Variants in COL23A1 observed in about 807,000 individuals in gnomAD.
COL23A1 encodes the protein collagen alpha-1(XXIII) chain.
A neutral mutation model predicts 99.3 loss-of-function variants in COL23A1; 97 were observed. That is an observed-to-expected ratio of 0.98 (90% confidence interval 0.83 to 1.16). The LOEUF is 1.16. Ranked by LOEUF, COL23A1 falls within the 50% of genes most tolerant of loss-of-function variation. The pLI is 0.00. For synonymous variants in COL23A1, 320 were observed against 308.2 expected, an observed-to-expected ratio of 1.04 and a Z score of -0.40; for missense variants, 762 against 757.4, an observed-to-expected ratio of 1.01 and a Z score of -0.07.
At chr5:178,381,844 C>T (rs1208034681) in intron 2 of COL23A1, among the ~76,000 whole-genome samples, 2 of 152,154 alleles carry the variant, frequency 1.3e-5, no homozygotes, top group Admixed American at 1.3e-4. Context: ...CTCTATTGCC[C>T]TCACTGTTCT....
chr5:178,437,952 G>A (rs1434848599), intron 2 of COL23A1, among the ~76,000 whole-genome samples: 2 of 152,230 alleles, frequency 1.3e-5, no homozygotes, highest in Admixed American at 1.3e-4. Context: ...TGGGCTCAGA[G>A]GCCCCTGACC....
chr5:178,240,342 G>A (rs955560373), intron 27 of COL23A1, among the ~76,000 whole-genome samples: 1 of 151,914 alleles, frequency 6.6e-6, no homozygotes, highest in African/African-American at 2.4e-5. Flanking sequence ...AGGTGGGGAG[G>A]GGGGCAGAAT....
At chr5:178,480,958 C>T (rs1224928115) in intron 2 of COL23A1, among the ~76,000 whole-genome samples, 2 of 151,686 alleles carry the variant, frequency 1.3e-5, no homozygotes, top group Non-Finnish European at 2.9e-5. Flanking sequence ...CCAGCCTGGC[C>T]AATGTGGTGA....
At chr5:178,321,656 A>AT (rs764670881) in intron 2 of COL23A1, among the ~76,000 whole-genome samples, 13 of 140,020 alleles carry the variant, frequency 9.3e-5, no homozygotes, top group Non-Finnish European at 1.4e-4. Context: ...TGCCTGGCTA[A>AT]TTTTTTGTAT....
intron 2 of COL23A1, among the ~76,000 whole-genome samples, chr5:178,411,161 G>A (rs533689530): frequency 2.0e-5 from 3 of 152,300 alleles, no homozygotes; most frequent in African/African-American, 7.2e-5. Context: ...AAGTGTTGAT[G>A]AGGATGTGGA....
chr5:178,540,682 G>C (rs1356200777), intron 2 of COL23A1, among the ~76,000 whole-genome samples: 3 of 152,200 alleles, frequency 2.0e-5, no homozygotes, highest in African/African-American at 7.2e-5. Flanking sequence ...AGCACTTTGG[G>C]AGGCTGACGT....
Position 178,560,769 on chromosome 5 carries a change from G to GA in COL23A1, c.295-22dup, listed in dbSNP as rs748314939. The GA allele has an allele frequency of 8.1e-5, 126 of 1,556,288 alleles. 1 individual carries two copies. The highest frequency in any genetic ancestry group is 1.1e-4 in the East Asian group (5 of 43,896). On this transcript the variant is annotated intron_variant, in intron 1 of 28. Coordinates refer to ENST00000390654, the MANE Select transcript of COL23A1 (RefSeq NM_173465.4). ...AACTTCTGAGCCGGAAAAAAAAAAA[G>GA]AAAAAAAACGAGGAGAGAATGAGTT...
chr5:178,535,201 G>A (rs368280838), intron 2 of COL23A1, among the ~76,000 whole-genome samples: 2 of 151,836 alleles, frequency 1.3e-5, no homozygotes, highest in Non-Finnish European at 2.9e-5. Context: ...CTCAAACTCC[G>A]GACCTCAAGT....
At chr5:178,518,656 TG>T (rs1404756257) in intron 2 of COL23A1, among the ~76,000 whole-genome samples, 2 of 110,352 alleles carry the variant, frequency 1.8e-5, no homozygotes, top group Non-Finnish European at 3.7e-5. Context: ...ACTTCCTAGA[TG>T]GGATGGCGGC....
chr5:178,252,643 C>A lies in COL23A1; in HGVS notation c.961-46G>T, dbSNP rs575087985. 3.9e-6 allele frequency: 6 copies of A among 1,534,526 alleles called. No individual in the cohort carries two copies. The East Asian group carries it at 1.4e-4, about 36-fold the overall frequency. On this transcript the variant is annotated intron_variant, in intron 16 of 28. Transcript: ENST00000390654. ...GGTCAGTGTCATGGGTTAGGCAGGGCCTCCCTTCGCTACCCATCCAGCTCC... is the reference window on the plus strand; with the variant it reads ...GGTCAGTGTCATGGGTTAGGCAGGGACTCCCTTCGCTACCCATCCAGCTCC...
At chr5:178,312,484 G>A (rs543991069) in intron 2 of COL23A1, among the ~76,000 whole-genome samples, 12 of 152,230 alleles carry the variant, frequency 7.9e-5, no homozygotes, top group East Asian at 5.8e-4. Context: ...AACTCACGCC[G>A]CTGATCAACT....
At chr5:178,460,740 G>A (rs1369487500) in intron 2 of COL23A1, among the ~76,000 whole-genome samples, 1 of 152,072 alleles carries the variant, frequency 6.6e-6, no homozygotes, top group East Asian at 1.9e-4. Context: ...CTGTTCCCCT[G>A]GCATGCATGG....
At chr5:178,247,584 G>A (rs1291864345) in intron 21 of COL23A1, 32 bp from the exon 22 acceptor site, 1 of 1,613,578 alleles carries the variant, frequency 6.2e-7, no homozygotes, top group Non-Finnish European at 8.5e-7. Context: ...AAGAAGGCTG[G>A]CTCCGGACCC....
chr5:178,312,913 C>T (rs774588647), intron 2 of COL23A1, among the ~76,000 whole-genome samples: 6 of 152,190 alleles, frequency 3.9e-5, no homozygotes, highest in Non-Finnish European at 5.9e-5. Flanking sequence ...AGAATTACTA[C>T]CAGGCGCAAC....
chr5:178,426,286 C>T (rs1390124484), intron 2 of COL23A1, among the ~76,000 whole-genome samples: 1 of 152,228 alleles, frequency 6.6e-6, no homozygotes, highest in South Asian at 2.1e-4. Flanking sequence ...TAGTCTACAG[C>T]CTTGTGCAAA....
At chr5:178,341,423 G>A (rs542996135) in intron 2 of COL23A1, among the ~76,000 whole-genome samples, 2 of 152,288 alleles carry the variant, frequency 1.3e-5, no homozygotes, top group African/African-American at 4.8e-5. Flanking sequence ...CCGGACCCCT[G>A]CTCCAATCGG....
At position 178,415,843 on chromosome 5, in the gene COL23A1, G is replaced by C. The variant is rs1052425756; in HGVS notation, c.362-108924C>G. Among the ~76,000 whole-genome samples, 1 of 152,202 alleles carries C rather than the reference G, an allele frequency of 6.6e-6. No individual in the cohort carries two copies. The highest frequency in any genetic ancestry group is 1.5e-5 in the Non-Finnish European group (1 of 68,044). On this transcript the variant is annotated intron_variant, in intron 2 of 28. Transcript: ENST00000390654. This position sits in a 1 kb window ranked among gnomAD's most constrained non-coding sequence, Gnocchi z 4.6. The stretch of plus-strand genomic sequence containing the variant: ...CTCGAGGGCACAACTGCAGACATCA[G>C]GGGCAGGATAAGGGAGAGGAGGTAC...
At chr5:178,304,219 G>T (rs1169179824) in intron 3 of COL23A1, among the ~76,000 whole-genome samples, 1 of 152,132 alleles carries the variant, frequency 6.6e-6, no homozygotes, top group Admixed American at 6.5e-5. Flanking sequence ...GCAAAAAAGA[G>T]CCTTTCTCTG....
chr5:178,490,361 G>A (rs890442762), intron 2 of COL23A1, among the ~76,000 whole-genome samples: 11 of 152,148 alleles, frequency 7.2e-5, no homozygotes, highest in East Asian at 1.9e-4. Flanking sequence ...GATAAATACC[G>A]TAGAATTCCA....
Sources: gnomAD v4.1 joint callset for allele counts (sites outside exome capture counted in the v4.1 genomes callset) on GRCh38, gnomAD v4.1.1 for gene constraint, Gnocchi (gnomAD v3.1) non-coding constraint, MANE v1.5 for transcripts, NCBI Gene and HGNC (gene_info 2026-07-23, HGNC 2026-07-21) for gene names.